VEPH1: variants seen among roughly 807,000 people sequenced by gnomAD.
The protein encoded by VEPH1 is ventricular zone expressed PH domain containing 1.
In VEPH1, 80 loss-of-function variants were observed where a neutral mutation model predicts 85.2. That is an observed-to-expected ratio of 0.94 (90% CI 0.78 to 1.13). The LOEUF (loss-of-function observed/expected upper bound fraction) is 1.13, where lower values mean the gene tolerates loss of function less well. Among genes scored for constraint, VEPH1 ranks in the 50% most tolerant of loss-of-function variants. The pLI is 0.00. For missense variants in VEPH1, 955 were observed against 980.5 expected (o/e 0.97, Z 0.35); for synonymous variants, 297 against 348.0 (o/e 0.85, Z 1.63).
intron 9 of VEPH1, among the ~76,000 whole-genome samples, chr3:157,318,284 T>C (rs1292642222): frequency 6.6e-6 from 1 of 152,210 alleles, no homozygotes; most frequent in Non-Finnish European, 1.5e-5. Flanking sequence ...TGTTTCAGAA[T>C]TAATCTGACA....
At chr3:157,369,280 T>C (rs1054829173) in intron 7 of VEPH1, among the ~76,000 whole-genome samples, 12 of 144,754 alleles carry the variant, frequency 8.3e-5, no homozygotes, top group Non-Finnish European at 1.5e-4. Context: ...GATGGCACAG[T>C]GCTATTTGGT....
chr3:157,439,038 A>G, intron 4 of VEPH1, among the ~76,000 whole-genome samples: 1 of 152,356 alleles, frequency 6.6e-6, no homozygotes, highest in East Asian at 1.9e-4. Context: ...CAGAAACCAT[A>G]TCATATTTCC....
At chr3:157,429,461 A>G (rs1732982577) in intron 4 of VEPH1, among the ~76,000 whole-genome samples, 1 of 152,230 alleles carries the variant, frequency 6.6e-6, no homozygotes, top group Non-Finnish European at 1.5e-5. Context: ...TTTTCAGAAT[A>G]TCAATATCTA....
intron 6 of VEPH1, among the ~76,000 whole-genome samples, chr3:157,386,136 T>C (rs982617256): frequency 2.6e-5 from 4 of 151,474 alleles, no homozygotes; most frequent in African/African-American, 7.3e-5. Flanking sequence ...TCAGTAGTTT[T>C]GCTTGAAATG....
intron 11 of VEPH1, 87 bp from the exon 12 acceptor site, chr3:157,286,761 A>G: frequency 4.5e-6 from 5 of 1,100,136 alleles, no homozygotes; most frequent in Non-Finnish European, 6.9e-6. Context: ...GATGTGGATC[A>G]GGATGGTCAA....
In VEPH1 at chr3:157,343,795, C is replaced by T. The variant is rs528642124; in HGVS notation, c.1735+19569G>A. 8.5e-5 allele frequency among the ~76,000 whole-genome samples: 13 copies of T among 152,222 alleles called. No individual in the cohort carries two copies. The East Asian group carries it at 1.5e-3, about 18-fold the overall frequency. On this transcript the variant is annotated intron_variant, in intron 9 of 13. Transcript: ENST00000362010. ...AATCCTCAATAAAATACTGGCAAAC[C>T]GAATCCAGCAGCACATCAAAAAGCT...
At chr3:157,450,929 T>A (rs971950416) in intron 4 of VEPH1, among the ~76,000 whole-genome samples, 2 of 152,160 alleles carry the variant, frequency 1.3e-5, no homozygotes, top group East Asian at 3.9e-4. Context: ...TCAGCAAATG[T>A]TAACTATTAT....
chr3:157,276,315 A>G (rs7635880), intron 12 of VEPH1, among the ~76,000 whole-genome samples: 1 of 152,192 alleles, frequency 6.6e-6, no homozygotes, highest in Non-Finnish European at 1.5e-5. Flanking sequence ...ATTTAGGGCT[A>G]TGTTTCCTGA....
chr3:157,409,726 T>C (rs1280795061), intron 6 of VEPH1: 1 of 985,292 alleles, frequency 1.0e-6, no homozygotes, highest in Non-Finnish European at 1.2e-6. Flanking sequence ...ACCCTGTCAT[T>C]TCCCAGTAGC....
intron 9 of VEPH1, among the ~76,000 whole-genome samples, chr3:157,353,704 C>T (rs1202684917): frequency 6.6e-6 from 1 of 151,956 alleles, no homozygotes; most frequent in East Asian, 1.9e-4. Flanking sequence ...TTGGCTGGCT[C>T]TATTTTTCTC....
chr3:157,342,362 G>T (rs1431569625), intron 9 of VEPH1, among the ~76,000 whole-genome samples: 4 of 152,074 alleles, frequency 2.6e-5, no homozygotes, highest in Admixed American at 6.6e-5. Flanking sequence ...CAAAAAAAAG[G>T]CAGGGGTTGC....
At chr3:157,422,025 C>G (rs1445212513) in intron 5 of VEPH1, among the ~76,000 whole-genome samples, 1 of 152,182 alleles carries the variant, frequency 6.6e-6, no homozygotes, top group Non-Finnish European at 1.5e-5. Flanking sequence ...TGCCCTTTCT[C>G]CCTCACCTTC....
intron 4 of VEPH1, among the ~76,000 whole-genome samples, chr3:157,450,673 T>G (rs915119228): frequency 5.9e-5 from 9 of 152,012 alleles, no homozygotes; most frequent in Non-Finnish European, 1.0e-4. Context: ...GTTTGAATTT[T>G]GTTTTCATGA....
intron 11 of VEPH1, among the ~76,000 whole-genome samples, chr3:157,292,063 T>C (rs563601815): frequency 5.9e-5 from 9 of 152,346 alleles, no homozygotes; most frequent in African/African-American, 2.2e-4. Context: ...AATTCATCAA[T>C]ATAGTATGTT....
At chr3:157,482,470 G>T (rs1383598432) in intron 2 of VEPH1, among the ~76,000 whole-genome samples, 8 of 152,118 alleles carry the variant, frequency 5.3e-5, no homozygotes, top group African/African-American at 1.9e-4. Flanking sequence ...TGATCCACCT[G>T]CCTTGGCCCC....
At chr3:157,415,718 A>G (rs1731866368) in intron 5 of VEPH1, among the ~76,000 whole-genome samples, 1 of 152,136 alleles carries the variant, frequency 6.6e-6, no homozygotes, top group Non-Finnish European at 1.5e-5. Context: ...TTCCCACTAC[A>G]CATCACACAT....
intron 1 of VEPH1, among the ~76,000 whole-genome samples, chr3:157,500,322 A>G (rs1455368018): frequency 6.6e-6 from 1 of 152,174 alleles, no homozygotes; most frequent in Admixed American, 6.5e-5. Flanking sequence ...ATCTATAGCT[A>G]TATCAAATCA....
At chr3:157,454,335 G>A (rs1735202176) in intron 4 of VEPH1, among the ~76,000 whole-genome samples, 1 of 152,172 alleles carries the variant, frequency 6.6e-6, no homozygotes, top group Admixed American at 6.5e-5. Flanking sequence ...AGCACAGGTT[G>A]AGTGATAAAT....
chr3:157,263,851 T>C (rs561291383), intron 13 of VEPH1, among the ~76,000 whole-genome samples: 114 of 152,364 alleles, frequency 7.5e-4, no homozygotes, highest in African/African-American at 2.6e-3. Context: ...AAAGATATAG[T>C]GCATATGGCC....
Sources: allele counts gnomAD v4.1 joint callset (sites outside exome capture counted in the v4.1 genomes callset), GRCh38; gene constraint gnomAD v4.1.1; transcripts MANE v1.5; gene names NCBI Gene and HGNC (gene_info 2026-07-23, HGNC 2026-07-21).